WWC2: variants seen among roughly 807,000 people sequenced by gnomAD.
The protein encoded by WWC2 is protein WWC2.
Under a neutral mutation model 138.5 loss-of-function variants are expected in WWC2, and 101 were observed. That is an observed-to-expected ratio of 0.73 (90% CI 0.62 to 0.86). The LOEUF (loss-of-function observed/expected upper bound fraction) is 0.86, where lower values mean the gene tolerates loss of function less well. Among genes scored for constraint, WWC2 ranks in the 40% least tolerant of loss-of-function variants. WWC2 has a pLI of 0.00. For missense variants in WWC2, 1,420 were observed against 1,419.4 expected (o/e 1.00, Z -0.01); for synonymous variants, 558 against 538.4 (o/e 1.04, Z -0.50).
At chr4:183,171,740 T>A (rs1734289669) in intron 1 of WWC2, among the ~76,000 whole-genome samples, 2 of 152,232 alleles carry the variant, frequency 1.3e-5, no homozygotes, top group African/African-American at 4.8e-5. Flanking sequence ...TCGACCACAT[T>A]TACATATTTA....
At chr4:183,195,822 T>C (rs1309754430) in intron 2 of WWC2, among the ~76,000 whole-genome samples, 1 of 152,158 alleles carries the variant, frequency 6.6e-6, no homozygotes, top group Non-Finnish European at 1.5e-5. Context: ...CTCCACCATC[T>C]CACAGAACCT....
chr4:183,280,250 T>TG (rs1404725562), intron 16 of WWC2, among the ~76,000 whole-genome samples: 1 of 149,132 alleles, frequency 6.7e-6, no homozygotes, highest in African/African-American at 2.5e-5. Flanking sequence ...TTTTTTTTTT[T>TG]TTTTGCTTTG....
At chr4:183,169,540 C>T (rs1734220602) in intron 1 of WWC2, among the ~76,000 whole-genome samples, 1 of 152,110 alleles carries the variant, frequency 6.6e-6, no homozygotes, top group Non-Finnish European at 1.5e-5. Context: ...TCCTACAGTG[C>T]TGGGATTACG....
chr4:183,280,450 C>T (rs1038098196), intron 16 of WWC2, among the ~76,000 whole-genome samples: 1 of 151,956 alleles, frequency 6.6e-6, no homozygotes, highest in Non-Finnish European at 1.5e-5. Flanking sequence ...TCTAGGCAGC[C>T]ACAGTCTGTT....
intron 19 of WWC2, among the ~76,000 whole-genome samples, chr4:183,284,680 C>G (rs144235375): frequency 6.2e-4 from 95 of 152,266 alleles, no homozygotes; most frequent in African/African-American, 2.1e-3. Flanking sequence ...GGACTTCGGT[C>G]TGTATTTAGA....
At chr4:183,193,793 A>G in intron 2 of WWC2, 85 bp downstream of exon 2, 2 of 1,179,778 alleles carry the variant, frequency 1.7e-6, no homozygotes, top group South Asian at 1.4e-5. Flanking sequence ...TAAACATGTT[A>G]CAAAGTGAAT....
At chr4:183,113,515 T>TGTGTGTGCGC (rs371819502) in intron 1 of WWC2, among the ~76,000 whole-genome samples, 18 of 126,720 alleles carry the variant, frequency 1.4e-4, no homozygotes, top group African/African-American at 5.4e-4. Flanking sequence ...TGTGTGTGTG[T>TGTGTGTGCGC]GCGCGCGCGT....
In WWC2 at chr4:183,261,371, C is replaced by A. The variant is rs1737323618; in HGVS notation, c.1748C>A (p.Ala583Asp). ...SHDASLHQFT[A>D]DFEDCELSSH... ...GATGCCTCTCTCCATCAGTTCACTG[C>A]TGACTTTGAAGACTGTGAGTTGAGT... The change falls in exon 11 of 23, where the codon GCT (alanine) becomes GAT (aspartate). Residue 583 changes from alanine (A) to aspartate (D), a missense_variant. Coordinates refer to ENST00000403733, the MANE Select transcript of WWC2 (RefSeq NM_024949.6). 2 of 1,613,232 alleles carry A rather than the reference C, an allele frequency of 1.2e-6. No homozygotes were observed.
At chr4:183,212,156 A>T (rs1055488605) in intron 4 of WWC2, among the ~76,000 whole-genome samples, 1 of 152,198 alleles carries the variant, frequency 6.6e-6, no homozygotes, top group African/African-American at 2.4e-5. Context: ...TTGCTGCCTT[A>T]GTCCTCGAAT....
chr4:183,222,380 T>C (rs765807339), intron 4 of WWC2, among the ~76,000 whole-genome samples: 12 of 151,974 alleles, frequency 7.9e-5, no homozygotes, highest in Non-Finnish European at 1.5e-4. Flanking sequence ...ATATCTATGA[T>C]AGCCATTCAT....
rs1353282969 is a variant in WWC2, at chr4:183,320,256, C to T, written c.*4527C>T. On this transcript the variant is annotated 3_prime_UTR_variant, in exon 23 of 23. Transcript: ENST00000403733. Reference sequence around the variant, plus strand: ...AGAGCTTTAGCCAAACTAACTCCTGCCCTTCGGTTGCTGTGAAAAGAAGTG... The same window carrying T: ...AGAGCTTTAGCCAAACTAACTCCTGTCCTTCGGTTGCTGTGAAAAGAAGTG... 1 of 1,557,260 alleles carries T rather than the reference C, an allele frequency of 6.4e-7. No individual in the cohort carries two copies. The highest frequency in any genetic ancestry group is 2.2e-5 in the East Asian group (1 of 44,478).
rs373911861 is a variant in WWC2, at chr4:183,320,332, A to G, written c.*4603A>G. 1,052 of 968,832 alleles carry G rather than the reference A, an allele frequency of 1.1e-3. 6 individuals carry two copies. Among genetic ancestry groups the G allele is most frequent in the South Asian group, 1.9e-3 (110 of 58,434 alleles). 60.0% of individuals were successfully genotyped at this position (968,832 alleles called of 1,614,324 possible). On this transcript the variant is annotated 3_prime_UTR_variant, in exon 23 of 23. Transcript: ENST00000403733. ...ACTCAGAAATATTTCTTCATTGTGT[A>G]TATAGGAGGATTCTTGCCAGAGTTG...
At chr4:183,109,637 G>A (rs1732163435) in intron 1 of WWC2, among the ~76,000 whole-genome samples, 1 of 152,196 alleles carries the variant, frequency 6.6e-6, no homozygotes, top group African/African-American at 2.4e-5. Flanking sequence ...GATCTGACAG[G>A]AGGCGGAGCT....
chr4:183,173,631 G>A (rs1401377745), intron 1 of WWC2, among the ~76,000 whole-genome samples: 4 of 151,718 alleles, frequency 2.6e-5, no homozygotes, highest in African/African-American at 7.3e-5. Flanking sequence ...CAGAAGTGAT[G>A]TGCACGTCTC....
chr4:183,180,642 C>T (rs567808750), intron 1 of WWC2, among the ~76,000 whole-genome samples: 3 of 152,048 alleles, frequency 2.0e-5, no homozygotes, highest in East Asian at 1.9e-4. Flanking sequence ...AAATACTATT[C>T]AGCAATAAAA....
chr4:183,112,033 C>T (rs543158236), intron 1 of WWC2, among the ~76,000 whole-genome samples: 4 of 152,258 alleles, frequency 2.6e-5, no homozygotes, highest in Non-Finnish European at 4.4e-5. Context: ...GTCTCCCTTC[C>T]CCTTTTCTGC....
rs189537402 is a variant in WWC2, at chr4:183,286,080, G to A, written c.3141+21G>A. On this transcript the variant is annotated intron_variant, in intron 20 of 22. Transcript: ENST00000403733. Reference sequence around the variant, plus strand: ...AAAGGGTATGTATTCCCTCAGCCACGTCCCACTGTCCCTGGACCAGTCCAG... The same window carrying A: ...AAAGGGTATGTATTCCCTCAGCCACATCCCACTGTCCCTGGACCAGTCCAG... 1,373 of 1,550,388 alleles carry A rather than the reference G, an allele frequency of 8.9e-4. 13 individuals carry two copies. In the African/African-American group the frequency reaches 0.016, roughly 18 times the overall value.
chr4:183,156,021 T>A (rs939488167), intron 1 of WWC2, among the ~76,000 whole-genome samples: 1 of 17,688 alleles, frequency 5.7e-5, no homozygotes, highest in African/African-American at 1.6e-4. Context: ...TTTTTTTCTT[T>A]CTTTCCTTTT....
chr4:183,307,180 G>T (rs774199312), intron 21 of WWC2, among the ~76,000 whole-genome samples: 2 of 152,150 alleles, frequency 1.3e-5, no homozygotes, highest in African/African-American at 4.8e-5. Flanking sequence ...AGTAACAAAC[G>T]TAGCTGGAAA....
Sources: allele counts gnomAD v4.1 joint callset (sites outside exome capture counted in the v4.1 genomes callset), GRCh38; gene constraint gnomAD v4.1.1; transcripts MANE v1.5; gene names NCBI Gene and HGNC (gene_info 2026-07-23, HGNC 2026-07-21).